IL1RAP: variants seen among roughly 807,000 people sequenced by gnomAD.
IL1RAP encodes the protein interleukin 1 receptor accessory protein.
In IL1RAP, 35 loss-of-function variants were observed where a neutral mutation model predicts 60.7. That is an observed-to-expected ratio of 0.58 (90% CI 0.44 to 0.76). The LOEUF (loss-of-function observed/expected upper bound fraction) is 0.76, where lower values mean the gene tolerates loss of function less well. Ranked by LOEUF, IL1RAP falls within the 30% of genes least tolerant of loss-of-function variation. The probability of loss-of-function intolerance (pLI) is 0.00; values close to 1 mark genes in which losing one functional copy is unlikely to be tolerated. For missense variants in IL1RAP, 572 were observed against 693.9 expected, an observed-to-expected ratio of 0.82 and a Z score of 1.97; for synonymous variants, 268 against 250.9, an observed-to-expected ratio of 1.07 and a Z score of -0.64.
At chr3:190,565,885 T>G (rs1434840884) in intron 3 of IL1RAP, among the ~76,000 whole-genome samples, 1 of 152,166 alleles carries the variant, frequency 6.6e-6, no homozygotes, top group African/African-American at 2.4e-5. Flanking sequence ...CCAGTCACTC[T>G]CTCTCCCTCC....
At chr3:190,633,966 C>A (rs1400922487) in intron 9 of IL1RAP, among the ~76,000 whole-genome samples, 1 of 152,166 alleles carries the variant, frequency 6.6e-6, no homozygotes, top group Non-Finnish European at 1.5e-5. Context: ...AGAGGGCAAG[C>A]CTTCAGGTTT....
rs570398711 is a variant in IL1RAP, at chr3:190,646,044, C to A, written c.1345+202C>A. ...TCAGTTTATGGTATTAAAATATTTT[C>A]CCTTGCAATCTTTCAGAGATGCATG... On this transcript the variant is annotated intron_variant, in intron 11 of 11. Transcript: ENST00000447382. Among the ~76,000 whole-genome samples, 7 of 152,260 alleles carry A rather than the reference C, an allele frequency of 4.6e-5. No individual in the cohort carries two copies. The South Asian group carries it at 1.5e-3, about 32-fold the overall frequency.
intron 7 of IL1RAP, among the ~76,000 whole-genome samples, chr3:190,627,031 T>A (rs111303050): frequency 6.6e-5 from 10 of 152,160 alleles, no homozygotes; most frequent in African/African-American, 2.4e-4. Context: ...ACATTAAAAA[T>A]GGTCACTCTG....
Position 190,650,762 on chromosome 3 carries a change from TA to T in IL1RAP, c.*2058del. ...TATTAGAAACCACAATTACTCCCTC[TA>T]TTAACCCTTCACTTACTAGACCAGA... On this transcript the variant is annotated 3_prime_UTR_variant, in exon 12 of 12. Coordinates refer to ENST00000447382, the MANE Select transcript of IL1RAP (RefSeq NM_002182.4). The T allele has an allele frequency of 2.0e-6, 2 of 983,702 alleles. No individual in the cohort carries two copies. Among genetic ancestry groups the T allele is most frequent in the Non-Finnish European group, 2.4e-6 (2 of 828,368 alleles). The allele number at this position is 983,702 out of a possible 1,614,324, so 60.9% of individuals were successfully genotyped here. A position where few individuals can be genotyped will look rare whatever the true frequency, so the allele number is the denominator to read the frequency against.
chr3:190,567,671 T>G (rs1726537102), intron 3 of IL1RAP, among the ~76,000 whole-genome samples: 1 of 152,176 alleles, frequency 6.6e-6, no homozygotes, highest in Non-Finnish European at 1.5e-5. Context: ...GTAATCATTT[T>G]GCAAACTGTT....
intron 3 of IL1RAP, among the ~76,000 whole-genome samples, chr3:190,591,359 G>A (rs577342203): frequency 3.9e-5 from 6 of 152,320 alleles, no homozygotes; most frequent in Non-Finnish European, 7.3e-5. Context: ...ACTTACCATT[G>A]CATACTCCCT....
In IL1RAP at chr3:190,629,429, C is replaced by A; in HGVS notation, c.982C>A (p.Arg328Ser). Residue 328 changes from arginine (R) to serine (S), a missense_variant, in exon 9 of 12, where the codon CGC (arginine) becomes AGC (serine). By Grantham distance (110) the Arg-to-Ser change is moderately radical. Coordinates refer to ENST00000447382, the MANE Select transcript of IL1RAP (RefSeq NM_002182.4). ...GAAAGTTACCTCTGAGGATCTCAAG[C>A]GCAGCTATGTCTGTCATGCTAGAAG... The part of the protein sequence containing the change: ...IKKVTSEDLK[R>S]SYVCHARSAK... 6.2e-7 allele frequency: 1 copy of A among 1,613,766 alleles called. No homozygotes were observed. Among genetic ancestry groups the A allele is most frequent in the East Asian group, 2.2e-5 (1 of 44,864 alleles).
In IL1RAP at chr3:190,523,937, T is replaced by C. The variant is rs542379751; in HGVS notation, c.-89+9718T>C. 1.2e-4 allele frequency among the ~76,000 whole-genome samples: 18 copies of C among 152,242 alleles called. No homozygotes were observed. In the South Asian group the frequency reaches 3.5e-3, roughly 30 times the overall value. On this transcript the variant is annotated intron_variant, in intron 1 of 11. Coordinates refer to ENST00000447382, the MANE Select transcript of IL1RAP (RefSeq NM_002182.4). ...TTCTTTTTGTAGGTCTTTGAGGAAT[T>C]GCCACACTGTCTTCCACAATGGTTG...
intron 1 of IL1RAP, among the ~76,000 whole-genome samples, chr3:190,538,119 C>T (rs1176482012): frequency 6.6e-6 from 1 of 152,138 alleles, no homozygotes; most frequent in East Asian, 1.9e-4. Context: ...TCCCCATGAA[C>T]CCTCCCTACC....
At chr3:190,576,818 A>G (rs1202544517) in intron 3 of IL1RAP, among the ~76,000 whole-genome samples, 2 of 152,270 alleles carry the variant, frequency 1.3e-5, no homozygotes, top group South Asian at 4.1e-4. Flanking sequence ...TATTTTTCAT[A>G]GGATTGTTAC....
chr3:190,650,158 G>T lies in IL1RAP; in HGVS notation c.*1453G>T. 1 of 984,586 alleles carries T rather than the reference G, an allele frequency of 1.0e-6. No homozygotes were observed. The highest frequency in any genetic ancestry group is 1.7e-5 in the African/African-American group (1 of 57,276). 61.0% of individuals were successfully genotyped at this position (984,586 alleles called of 1,614,324 possible). ...TAAAAACCACTGGAACTCTTGTCCA[G>T]TTTTTAAATTATGTTTTTACTGGAA... On this transcript the variant is annotated 3_prime_UTR_variant, in exon 12 of 12. Transcript: ENST00000447382.
rs575883225 is a variant in IL1RAP at position 190,550,866 on chromosome 3, A to G, written c.-88-5264A>G. ...TTCTCTCCAGTCCTTATTTTTGTTA[A>G]AAAGAAAAATCGTGGTAGGACTGAC... On this transcript the variant is annotated intron_variant, in intron 1 of 11. Coordinates refer to ENST00000447382, the MANE Select transcript of IL1RAP (RefSeq NM_002182.4). Among the ~76,000 whole-genome samples the G allele has an allele frequency of 5.3e-5, 8 of 152,350 alleles. No homozygotes were observed. The East Asian group carries it at 1.2e-3, about 22-fold the overall frequency.
intron 11 of IL1RAP, among the ~76,000 whole-genome samples, chr3:190,646,365 T>C (rs1210596262): frequency 6.6e-6 from 1 of 152,126 alleles, no homozygotes. Context: ...CTCTTTTTTT[T>C]CCCCCTCACT....
At chr3:190,526,029 T>C (rs1226119136) in intron 1 of IL1RAP, among the ~76,000 whole-genome samples, 4 of 152,206 alleles carry the variant, frequency 2.6e-5, no homozygotes, top group Non-Finnish European at 5.9e-5. Flanking sequence ...TTTCTGACTC[T>C]ACAAATTTAA....
Position 190,629,402 on chromosome 3 carries a change from A to G in IL1RAP, c.955A>G (p.Lys319Glu). The G allele has an allele frequency of 6.2e-7, 1 of 1,613,720 alleles. No homozygotes were observed. Among genetic ancestry groups the G allele is most frequent in the East Asian group, 2.2e-5 (1 of 44,854 alleles). Residue 319 changes from lysine (K) to glutamate (E), a missense_variant, in exon 9 of 12, where the codon AAG becomes GAG. Physicochemically the swap from Lys to Glu is moderately conservative, Grantham distance 56. Transcript: ENST00000447382. ...AACAAGAACTCAGATTTTGAGCATC[A>G]AGAAAGTTACCTCTGAGGATCTCAA... ...DETRTQILSI[K>E]KVTSEDLKRS...
chr3:190,564,235 T>G, intron 2 of IL1RAP, 54 bp from the exon 3 acceptor site: 1 of 1,089,536 alleles, frequency 9.2e-7, no homozygotes, highest in Non-Finnish European at 1.4e-6. Flanking sequence ...TATTATTATT[T>G]AAGCCCTTGA....
intron 3 of IL1RAP, among the ~76,000 whole-genome samples, chr3:190,573,243 G>C (rs1001814157): frequency 6.6e-6 from 1 of 152,150 alleles, no homozygotes; most frequent in African/African-American, 2.4e-5. Context: ...GGATAATGAA[G>C]GAAGAAGAGA....
intron 9 of IL1RAP, among the ~76,000 whole-genome samples, chr3:190,631,817 T>G (rs1337960647): frequency 6.6e-6 from 1 of 152,186 alleles, no homozygotes; most frequent in East Asian, 1.9e-4. Context: ...TTTTTATTTT[T>G]GAGACACAGT....
rs772267855 is a variant in IL1RAP, at chr3:190,627,314, T to C, written c.776-9T>C. 50 of 1,571,856 alleles carry C rather than the reference T, an allele frequency of 3.2e-5. No individual in the cohort carries two copies. The highest frequency in any genetic ancestry group is 4.1e-5 in the Non-Finnish European group (48 of 1,167,696). On this transcript the variant is annotated splice_polypyrimidine_tract_variant and intron_variant, in intron 7 of 11. Coordinates refer to ENST00000447382, the MANE Select transcript of IL1RAP (RefSeq NM_002182.4). Reference sequence around the variant, plus strand: ...TTGTTTTTTTTGTTTTTTTGGTTTTTTTTTTCAGGAGAGGAGCTACTCATT... The same window carrying C: ...TTGTTTTTTTTGTTTTTTTGGTTTTCTTTTTCAGGAGAGGAGCTACTCATT...
Sources: gnomAD v4.1 joint callset for allele counts (sites outside exome capture counted in the v4.1 genomes callset) on GRCh38, gnomAD v4.1.1 for gene constraint, MANE v1.5 for transcripts, NCBI Gene and HGNC (gene_info 2026-07-23, HGNC 2026-07-21) for gene names.